The following SHLD1 variants were observed in gnomAD, a reference collection of about 807,000 sequenced individuals.
SHLD1 encodes RINN1-REV7-interacting novel NHEJ regulator 3.
Under a neutral mutation model 5.5 loss-of-function variants are expected in SHLD1, and 3 were observed. That is an observed-to-expected ratio of 0.54 (90% CI 0.25 to 1.40). The LOEUF is 1.40. Among genes scored for constraint, SHLD1 ranks in the 40% most tolerant of loss-of-function variants. SHLD1 has a pLI of 0.15. For synonymous variants in SHLD1, 92 were observed against 94.3 expected, an observed-to-expected ratio of 0.98 and a Z score of 0.14; for missense variants, 210 against 244.4, an observed-to-expected ratio of 0.86 and a Z score of 0.94.
chr20:5,812,629 T>C (rs1307027124), intron 2 of SHLD1, among the ~76,000 whole-genome samples: 1 of 152,238 alleles, frequency 6.6e-6, no homozygotes, highest in East Asian at 1.9e-4. Context: ...CCATGTGTAT[T>C]ACTTTCACCA....
intron 2 of SHLD1, among the ~76,000 whole-genome samples, chr20:5,849,828 G>C (rs933008175): frequency 6.6e-6 from 1 of 150,524 alleles, no homozygotes; most frequent in Non-Finnish European, 1.5e-5. Context: ...GCGCGGTGGC[G>C]GGCGCCTGTA....
At chr20:5,837,123 T>G (rs1321131066) in intron 2 of SHLD1, among the ~76,000 whole-genome samples, 1 of 152,154 alleles carries the variant, frequency 6.6e-6, no homozygotes, top group Non-Finnish European at 1.5e-5. Context: ...CCGGGAGGGC[T>G]GGGGTCCTGA....
intron 2 of SHLD1, among the ~76,000 whole-genome samples, chr20:5,824,365 T>C (rs942617529): frequency 2.6e-5 from 4 of 152,166 alleles, no homozygotes; most frequent in Non-Finnish European, 5.9e-5. Context: ...TCTATCCCCT[T>C]CCTCTATTTT....
chr20:5,797,289 A>C (rs1248382885), intron 2 of SHLD1, among the ~76,000 whole-genome samples: 1 of 152,172 alleles, frequency 6.6e-6, no homozygotes. Context: ...GGCTGGGCAC[A>C]GTGGCTCATG....
intron 2 of SHLD1, among the ~76,000 whole-genome samples, chr20:5,836,958 C>CA (rs1409429923): frequency 3.3e-5 from 5 of 152,006 alleles, no homozygotes; most frequent in Non-Finnish European, 7.4e-5. Context: ...ACAAAACAAA[C>CA]AAAAAAATGG....
chr20:5,824,056 T>G (rs1393582859), intron 2 of SHLD1, among the ~76,000 whole-genome samples: 1 of 152,212 alleles, frequency 6.6e-6, no homozygotes, highest in Admixed American at 6.5e-5. Flanking sequence ...TTCAGTGCGC[T>G]TAGGACACAA....
intron 2 of SHLD1, among the ~76,000 whole-genome samples, chr20:5,821,566 G>T (rs117974719): frequency 0.02 from 3,027 of 152,174 alleles, 53 homozygotes; most frequent in Middle Eastern, 0.044. Flanking sequence ...GGATATTGAG[G>T]GATAGGGAAT....
At chr20:5,765,514 C>T (rs1408535821) in intron 1 of SHLD1, among the ~76,000 whole-genome samples, 2 of 152,096 alleles carry the variant, frequency 1.3e-5, no homozygotes, top group African/African-American at 4.8e-5. Flanking sequence ...TCCCAAAGTG[C>T]TGGGATTACA....
At chr20:5,823,042 G>A (rs914777166) in intron 2 of SHLD1, among the ~76,000 whole-genome samples, 2 of 111,830 alleles carry the variant, frequency 1.8e-5, no homozygotes, top group Non-Finnish European at 3.3e-5. Flanking sequence ...CTATTGTTAT[G>A]GAACTGTGGT....
rs11381238 is a variant in SHLD1, at chr20:5,779,972, G to GTTTTTTTT, written c.178+6945_178+6952dup. ...ACTTGGCATAGTTTTTACAATTTCTGTTTTTTTTTTTTTTTTTTTTTTTGG... is the reference window on the plus strand; with the variant it reads ...ACTTGGCATAGTTTTTACAATTTCTGTTTTTTTTTTTTTTTTTTTTTTTTTTTTTTTGG... On this transcript the variant is annotated intron_variant, in intron 2 of 2. Transcript: ENST00000303142. Among the ~76,000 whole-genome samples the GTTTTTTTT allele has an allele frequency of 1.8e-4, 15 of 81,768 alleles. 2 individuals are homozygous for GTTTTTTTT. Among genetic ancestry groups the GTTTTTTTT allele is most frequent in the African/African-American group, 4.9e-4 (10 of 20,514 alleles). The allele number at this position is 81,768 out of a possible 152,430, so 53.6% of individuals were successfully genotyped here.
intron 1 of SHLD1, among the ~76,000 whole-genome samples, chr20:5,754,791 C>A (rs1341628137): frequency 2.6e-5 from 4 of 152,182 alleles, no homozygotes; most frequent in East Asian, 3.9e-4. Flanking sequence ...CGTGGTGGCT[C>A]ACGCCTGTAA....
intron 1 of SHLD1, among the ~76,000 whole-genome samples, chr20:5,751,865 T>C (rs926200876): frequency 6.6e-6 from 1 of 152,158 alleles, no homozygotes; most frequent in Non-Finnish European, 1.5e-5. Context: ...ACATGGAAGG[T>C]ATACATTGGT....
chr20:5,755,731 G>C (rs1035277757), intron 1 of SHLD1, among the ~76,000 whole-genome samples: 1 of 151,894 alleles, frequency 6.6e-6, no homozygotes, highest in South Asian at 2.1e-4. Context: ...GGCTAATTTT[G>C]TATTTTTAGT....
intron 2 of SHLD1, among the ~76,000 whole-genome samples, chr20:5,790,451 CTTTT>C (rs71197798): frequency 1.3e-4 from 12 of 91,082 alleles, no homozygotes; most frequent in Admixed American, 3.8e-4. Context: ...TAAAGGATTT[CTTTT>C]TTTTTTTTTT....
intron 2 of SHLD1, among the ~76,000 whole-genome samples, chr20:5,808,050 G>C (rs1397689152): frequency 2.0e-5 from 3 of 152,196 alleles, no homozygotes; most frequent in Non-Finnish European, 2.9e-5. Context: ...GGGAGGCCAG[G>C]GTGGGCAGAT....
At chr20:5,825,153 C>T (rs1237588298) in intron 2 of SHLD1, among the ~76,000 whole-genome samples, 1 of 152,222 alleles carries the variant, frequency 6.6e-6, no homozygotes, top group Non-Finnish European at 1.5e-5. Context: ...AAAAAATGAG[C>T]ATGCATATAA....
At chr20:5,759,064 C>T (rs1245334824) in intron 1 of SHLD1, among the ~76,000 whole-genome samples, 2 of 150,312 alleles carry the variant, frequency 1.3e-5, no homozygotes, top group Non-Finnish European at 2.9e-5. Flanking sequence ...AAGTGATTCT[C>T]CTGCCTCAGC....
At chr20:5,767,741 C>T (rs550338079) in intron 1 of SHLD1, among the ~76,000 whole-genome samples, 107 of 152,308 alleles carry the variant, frequency 7.0e-4, no homozygotes, top group African/African-American at 2.5e-3. Flanking sequence ...ATGACAGCAA[C>T]TTATGAGTCA....
chr20:5,824,632 T>G (rs961098724), intron 2 of SHLD1, among the ~76,000 whole-genome samples: 5 of 151,572 alleles, frequency 3.3e-5, no homozygotes, highest in Admixed American at 2.6e-4. Flanking sequence ...TTTGTTTTTT[T>G]TTTTTTTTTG....
Sources: allele counts gnomAD v4.1 joint callset (sites outside exome capture counted in the v4.1 genomes callset), GRCh38; gene constraint gnomAD v4.1.1; transcripts MANE v1.5; gene names NCBI Gene and HGNC (gene_info 2026-07-23, HGNC 2026-07-21).